BCL11B: variants seen among roughly 807,000 people sequenced by gnomAD.
BCL11B encodes the protein B-cell lymphoma/leukemia 11B.
In BCL11B, 8 loss-of-function variants were observed where a neutral mutation model predicts 49.9. The ratio of observed to expected loss-of-function variants is 0.16; its 90% confidence interval spans 0.09 to 0.29. The LOEUF (loss-of-function observed/expected upper bound fraction) is 0.29, where lower values mean the gene tolerates loss of function less well. Among genes scored for constraint, BCL11B ranks in the 10% least tolerant of loss-of-function variants. The pLI, the probability that BCL11B is intolerant of heterozygous loss-of-function variation, is 1.00. For synonymous variants in BCL11B, 739 were observed against 637.4 expected (o/e 1.16, Z -2.40); for missense variants, 1,006 against 1,351.0 (o/e 0.74, Z 4.00).
chr14:99,237,151 A>T (rs1263743040), intron 2 of BCL11B, among the ~76,000 whole-genome samples: 1 of 152,092 alleles, frequency 6.6e-6, no homozygotes, highest in Non-Finnish European at 1.5e-5. Flanking sequence ...GCTCAATTTC[A>T]GAGCTACACA....
chr14:99,182,012 A>T (rs932062158), intron 3 of BCL11B, among the ~76,000 whole-genome samples: 2 of 152,198 alleles, frequency 1.3e-5, no homozygotes, highest in African/African-American at 4.8e-5. Context: ...GTCAGAAAGG[A>T]GATGTCCATT....
rs1887501592 is a variant in BCL11B at position 99,205,266 on chromosome 14, T to C, written c.640+26079A>G. On this transcript the variant is annotated intron_variant, in intron 3 of 3. Transcript: ENST00000357195. This position sits in a 1 kb window ranked among gnomAD's most constrained non-coding sequence, Gnocchi z 5.0. The stretch of plus-strand genomic sequence containing the variant: ...TCCATCCTACCCGGCCATTTCTTCA[T>C]GGAGGTGTGGCCACAGGGTCTCAGA... 6.6e-6 allele frequency among the ~76,000 whole-genome samples: 1 copy of C among 152,064 alleles called. No individual in the cohort carries two copies. The highest frequency in any genetic ancestry group is 1.5e-5 in the Non-Finnish European group (1 of 68,008).
At chr14:99,187,373 C>A (rs1886883175) in intron 3 of BCL11B, among the ~76,000 whole-genome samples, 1 of 152,114 alleles carries the variant, frequency 6.6e-6, no homozygotes, top group Admixed American at 6.5e-5. Flanking sequence ...GGATAAGGCA[C>A]AGAAATCCAC....
intron 1 of BCL11B, among the ~76,000 whole-genome samples, chr14:99,268,041 C>T (rs182081566): frequency 1.3e-5 from 2 of 152,260 alleles, no homozygotes; most frequent in Admixed American, 6.5e-5. Flanking sequence ...AACCTCCCCT[C>T]GGCACGATTG....
rs989780082 is a variant in BCL11B at position 99,174,048 on chromosome 14, C to CGCGGGGT, written c.*96_*102dup. 22 of 1,229,092 alleles carry CGCGGGGT rather than the reference C, an allele frequency of 1.8e-5. No individual in the cohort carries two copies. The highest frequency in any genetic ancestry group is 2.3e-5 in the Non-Finnish European group (20 of 883,350). 76.1% of individuals were successfully genotyped at this position (1,229,092 alleles called of 1,614,324 possible). A position where few individuals can be genotyped will look rare whatever the true frequency, so the allele number is the denominator to read the frequency against. On this transcript the variant is annotated 3_prime_UTR_variant, in exon 4 of 4. Coordinates refer to ENST00000357195, the MANE Select transcript of BCL11B (RefSeq NM_138576.4). ...CCGCCTCCCCTGGGCCCCGGGGACA[C>CGCGGGGT]GCGGGGTGCGGGGTGGCGGTGACAC...
At chr14:99,216,081 G>C (rs1014629425) in intron 3 of BCL11B, among the ~76,000 whole-genome samples, 30 of 152,346 alleles carry the variant, frequency 2.0e-4, no homozygotes, top group African/African-American at 7.0e-4. Flanking sequence ...AGTAATGCCT[G>C]CCGCTATTCA....
chr14:99,239,016 A>G (rs1014687599), intron 2 of BCL11B, among the ~76,000 whole-genome samples: 2 of 152,166 alleles, frequency 1.3e-5, no homozygotes, highest in African/African-American at 4.8e-5. Context: ...TACACACACA[A>G]ACACTCATCT....
chr14:99,216,126 C>T (rs1161603908), intron 3 of BCL11B, among the ~76,000 whole-genome samples: 1 of 152,202 alleles, frequency 6.6e-6, no homozygotes, highest in East Asian at 1.9e-4. Flanking sequence ...CTTAAGGCCG[C>T]ACAATGTAAC....
chr14:99,191,934 T>A (rs1887042171), intron 3 of BCL11B, among the ~76,000 whole-genome samples: 1 of 152,034 alleles, frequency 6.6e-6, no homozygotes, highest in Admixed American at 6.6e-5. Context: ...GCATCAACAC[T>A]TATGTGGGGT....
At position 99,194,115 on chromosome 14, in the gene BCL11B, C is replaced by A. The variant is rs1225675716; in HGVS notation, c.641-17920G>T. Among the ~76,000 whole-genome samples, 1 of 152,280 alleles carries A rather than the reference C, an allele frequency of 6.6e-6. No individual in the cohort carries two copies. The highest frequency in any genetic ancestry group is 6.5e-5 in the Admixed American group (1 of 15,296). On this transcript the variant is annotated intron_variant, in intron 3 of 3. Coordinates refer to ENST00000357195, the MANE Select transcript of BCL11B (RefSeq NM_138576.4). The surrounding 1 kb of genome is among the most constrained non-coding windows in gnomAD (Gnocchi z 4.6). Reference sequence around the variant, plus strand: ...GGAATGTCGTGAGAAACGTGCATGACCCCACACATGAATTCTCCCAAACAT... The same window carrying A: ...GGAATGTCGTGAGAAACGTGCATGAACCCACACATGAATTCTCCCAAACAT...
At chr14:99,261,558 T>A (rs1276395395) in intron 1 of BCL11B, among the ~76,000 whole-genome samples, 6 of 151,802 alleles carry the variant, frequency 4.0e-5, no homozygotes, top group African/African-American at 1.5e-4. Context: ...TCTTTCAAAT[T>A]CCCAGACCCT....
rs1886425758 is a variant in BCL11B, at chr14:99,174,858, G to C, written c.1978C>G (p.Pro660Ala). 8.3e-7 allele frequency: 1 copy of C among 1,211,880 alleles called. No individual in the cohort carries two copies. Among genetic ancestry groups the C allele is most frequent in the African/African-American group, 1.6e-5 (1 of 62,510 alleles). The allele number at this position is 1,211,880 out of a possible 1,614,324, so 75.1% of individuals were successfully genotyped here. ...AVNGRGGGFA[P>A]GTEPFPGLFP... ...AGCCCGGGGAAGGGCTCGGTGCCTG[G>C]CGCGAAGCCGCCCCCGCGCCCGTTG... Residue 660 changes from proline to alanine, a missense_variant, in exon 4 of 4, where the codon CCA becomes GCA. This residue lies in a region of BCL11B where 443 missense variants were observed against 499.7 expected (regional missense o/e 0.89). Coordinates refer to ENST00000357195, the MANE Select transcript of BCL11B (RefSeq NM_138576.4).
At chr14:99,216,218 T>A (rs935679585) in intron 3 of BCL11B, among the ~76,000 whole-genome samples, 4 of 152,180 alleles carry the variant, frequency 2.6e-5, no homozygotes, top group African/African-American at 9.7e-5. Context: ...AAAATGGGGA[T>A]GTGAAAAGTG....
intron 2 of BCL11B, among the ~76,000 whole-genome samples, chr14:99,236,148 G>A (rs1888490888): frequency 6.6e-6 from 1 of 152,182 alleles, no homozygotes. Context: ...ATGGAAATGG[G>A]AGCCGGGAAA....
At position 99,174,880 on chromosome 14, in the gene BCL11B, G is replaced by T; in HGVS notation, c.1956C>A (p.Asn652Lys). Residue 652 changes from asparagine (N) to lysine (K), a missense_variant, in exon 4 of 4, where the codon AAC becomes AAA. Asn to Lys is a moderately conservative substitution (Grantham distance 94, BLOSUM62 0). Coordinates refer to ENST00000357195, the MANE Select transcript of BCL11B (RefSeq NM_138576.4). ...CTGGCGCGAAGCCGCCCCCGCGCCC[G>T]TTGACCGCGCCGCCCGCGCCCGCGT... ...CGDAGAGGAV[N>K]GRGGGFAPGT... is the part of the protein sequence containing the mutation. 1 of 1,122,720 alleles carries T rather than the reference G, an allele frequency of 8.9e-7. No homozygotes were observed. The highest frequency in any genetic ancestry group is 1.1e-6 in the Non-Finnish European group (1 of 918,984). The allele number at this position is 1,122,720 out of a possible 1,614,324, so 69.5% of individuals were successfully genotyped here.
chr14:99,182,969 C>T (rs747736291), intron 3 of BCL11B, among the ~76,000 whole-genome samples: 8 of 152,196 alleles, frequency 5.3e-5, no homozygotes, highest in Non-Finnish European at 8.8e-5. Flanking sequence ...CTACATCTGA[C>T]TTTCATTAAT....
intron 3 of BCL11B, among the ~76,000 whole-genome samples, chr14:99,229,005 T>TGGAG (rs1357514498): frequency 3.8e-4 from 37 of 97,510 alleles, no homozygotes; most frequent in African/African-American, 1.3e-3. Flanking sequence ...CATGGATGAA[T>TGGAG]GGATGGATGG....
intron 3 of BCL11B, among the ~76,000 whole-genome samples, chr14:99,189,604 G>C (rs1886963287): frequency 6.6e-6 from 1 of 152,210 alleles, no homozygotes; most frequent in Non-Finnish European, 1.5e-5. Flanking sequence ...TGGGTCAGCA[G>C]CTGGATCCAA....
intron 2 of BCL11B, among the ~76,000 whole-genome samples, chr14:99,237,979 CT>C (rs1257391531): frequency 6.6e-6 from 1 of 152,120 alleles, no homozygotes; most frequent in Admixed American, 6.6e-5. Context: ...ACATGGGCAA[CT>C]GCTCATCTTT....
Sources: allele counts gnomAD v4.1 joint callset (sites outside exome capture counted in the v4.1 genomes callset), GRCh38; gene constraint gnomAD v4.1.1; regional missense constraint gnomAD v4.1.1; non-coding constraint Gnocchi (gnomAD v3.1); transcripts MANE v1.5; gene names NCBI Gene and HGNC (gene_info 2026-07-23, HGNC 2026-07-21).